CASTOR2: variants seen among roughly 807,000 people sequenced by gnomAD.
The protein encoded by CASTOR2 is cytosolic arginine sensor for mTORC1 subunit 2, also known as GATS protein like 2.
In CASTOR2, 8 loss-of-function variants were observed where a neutral mutation model predicts 31.2. The observed-to-expected ratio is 0.26, with a 90% CI of 0.15 to 0.46. The LOEUF is 0.46. CASTOR2 is among the 20% of genes least tolerant of loss of function. CASTOR2 has a pLI of 0.99. For missense variants in CASTOR2, 216 were observed against 382.1 expected (o/e 0.57, Z 3.62); for synonymous variants, 162 against 158.7 (o/e 1.02, Z -0.16).
rs1171008101 is a variant in CASTOR2, at chr7:75,025,398, C to A, written c.*699C>A. 1.3e-5 allele frequency among the ~76,000 whole-genome samples: 2 copies of A among 152,224 alleles called. No individual in the cohort carries two copies. Among genetic ancestry groups the A allele is most frequent in the African/African-American group, 4.8e-5 (2 of 41,472 alleles). ...GACCCTCCCCCACAAGCACTCAGTC[C>A]TTGGGGGAGGAGGGAGGGTCCCAGG... On this transcript the variant is annotated 3_prime_UTR_variant, in exon 9 of 9. Transcript: ENST00000616305.
chr7:75,008,560 A>G lies in CASTOR2; in HGVS notation c.184+496A>G, dbSNP rs1174116231. ...CGTTACTTTAAATTAACTGGACATG[A>G]TGGCATGTTCCTGTGGTCCCAGCTA... On this transcript the variant is annotated intron_variant, in intron 2 of 8. Transcript: ENST00000616305. Among the ~76,000 whole-genome samples the G allele has an allele frequency of 5.5e-3, 833 of 152,040 alleles. 11 individuals are homozygous for G. Among genetic ancestry groups the G allele is most frequent in the African/African-American group, 0.019 (797 of 41,480 alleles).
chr7:75,029,497 C>T lies in CASTOR2; in HGVS notation c.*4798C>T, dbSNP rs1411132110. On this transcript the variant is annotated 3_prime_UTR_variant, in exon 9 of 9. Transcript: ENST00000616305. ...TAGCTGGGATTACAGGCACCCACCA[C>T]CACGCTCGGCTAATTTTTGTATTTT... is the stretch of plus-strand genomic sequence containing the variant. Among the ~76,000 whole-genome samples, 1 of 151,990 alleles carries T rather than the reference C, an allele frequency of 6.6e-6. No individual in the cohort carries two copies. Among genetic ancestry groups the T allele is most frequent in the Non-Finnish European group, 1.5e-5 (1 of 68,018 alleles).
At chr7:75,007,435 A>G (rs1162753903) in intron 1 of CASTOR2, among the ~76,000 whole-genome samples, 1 of 152,180 alleles carries the variant, frequency 6.6e-6, no homozygotes, top group Non-Finnish European at 1.5e-5. Context: ...GCAGAGATCC[A>G]TGTCCCAAAA....
At chr7:75,014,273 G>A (rs1804815204) in intron 2 of CASTOR2, among the ~76,000 whole-genome samples, 1 of 151,722 alleles carries the variant, frequency 6.6e-6, no homozygotes, top group East Asian at 2.0e-4. Context: ...GGCAGTGACC[G>A]ATCAAAAGGT....
intron 2 of CASTOR2, among the ~76,000 whole-genome samples, chr7:75,012,154 A>G (rs1162653366): frequency 2.6e-5 from 4 of 152,188 alleles, no homozygotes; most frequent in South Asian, 2.1e-4. Flanking sequence ...AAGATGGTAT[A>G]CCACCATGTG....
rs1429721846 is a variant in CASTOR2 at position 75,027,614 on chromosome 7, C to T, written c.*2915C>T. 6.0e-5 allele frequency: 12 copies of T among 200,176 alleles called. No homozygotes were observed. Among genetic ancestry groups the T allele is most frequent in the East Asian group, 1.6e-4 (1 of 6,204 alleles). The allele number at this position is 200,176 out of a possible 1,614,324, so 12.4% of individuals were successfully genotyped here. ...GTGTCATGGAGAAAAGCATGTGTGT[C>T]GGGGCGCGCTGGGGCCAGGGTATGG... is the stretch of plus-strand genomic sequence containing the variant. On this transcript the variant is annotated 3_prime_UTR_variant, in exon 9 of 9. Coordinates refer to ENST00000616305, the MANE Select transcript of CASTOR2 (RefSeq NM_001145064.3).
chr7:74,996,434 G>A (rs1236073567), intron 1 of CASTOR2, among the ~76,000 whole-genome samples: 1 of 152,044 alleles, frequency 6.6e-6, no homozygotes, highest in Non-Finnish European at 1.5e-5. Context: ...AGAGAATGTT[G>A]CGTCCCAATT....
chr7:75,010,192 A>C (rs1243214739), intron 2 of CASTOR2, among the ~76,000 whole-genome samples: 8 of 152,118 alleles, frequency 5.3e-5, no homozygotes, highest in Admixed American at 3.9e-4. Context: ...TCATGTGGTC[A>C]TGGAGGACTT....
At position 75,022,270 on chromosome 7, in the gene CASTOR2, C is replaced by T. The variant is rs892772794; in HGVS notation, c.829+314C>T. ...TTGTAATCCCAGCACTTTGGGAGGC[C>T]GAGGTGGAAAGATCCATTGAGCCCA... is the stretch of plus-strand genomic sequence containing the variant. On this transcript the variant is annotated intron_variant, in intron 7 of 8. Transcript: ENST00000616305. Among the ~76,000 whole-genome samples the T allele has an allele frequency of 3.9e-5, 6 of 152,164 alleles. No homozygotes were observed. In the East Asian group the frequency reaches 5.8e-4, roughly 15 times the overall value.
At chr7:74,989,262 CCTT>C (rs1352054611) in intron 1 of CASTOR2, among the ~76,000 whole-genome samples, 3 of 74,852 alleles carry the variant, frequency 4.0e-5, no homozygotes, top group South Asian at 8.6e-4. Flanking sequence ...CCACGCCTGG[CCTT>C]TTTTTTTTTT....
chr7:74,992,944 T>TA (rs782279207), intron 1 of CASTOR2, among the ~76,000 whole-genome samples: 66 of 151,694 alleles, frequency 4.4e-4, no homozygotes, highest in Non-Finnish European at 8.5e-4. Flanking sequence ...CTCAGGCCTG[T>TA]AATCCCAGCA....
rs1805212822 is a variant in CASTOR2, at chr7:75,028,665, C to T, written c.*3966C>T. Reference sequence around the variant, plus strand: ...CGTGGGGCTCCCCTGGTTCCCAAGACACCCCTTCCTCCCTCAGCCCGTCGT... The same window carrying T: ...CGTGGGGCTCCCCTGGTTCCCAAGATACCCCTTCCTCCCTCAGCCCGTCGT... On this transcript the variant is annotated 3_prime_UTR_variant, in exon 9 of 9. Transcript: ENST00000616305. Among the ~76,000 whole-genome samples, 1 of 152,186 alleles carries T rather than the reference C, an allele frequency of 6.6e-6. No homozygotes were observed. The highest frequency in any genetic ancestry group is 6.5e-5 in the Admixed American group (1 of 15,280).
At chr7:75,008,601 C>T (rs1225599377) in intron 2 of CASTOR2, among the ~76,000 whole-genome samples, 5 of 151,980 alleles carry the variant, frequency 3.3e-5, no homozygotes. Flanking sequence ...GAGACCGAGG[C>T]AGGAGGATCG....
chr7:74,981,547 C>T (rs1490170012), intron 1 of CASTOR2, among the ~76,000 whole-genome samples: 3 of 145,388 alleles, frequency 2.1e-5, no homozygotes, highest in Non-Finnish European at 4.6e-5. Flanking sequence ...ACGAAGGTCT[C>T]ATCCCCTCCA....
At chr7:74,996,308 G>A (rs1319611262) in intron 1 of CASTOR2, among the ~76,000 whole-genome samples, 1 of 152,116 alleles carries the variant, frequency 6.6e-6, no homozygotes, top group Non-Finnish European at 1.5e-5. Flanking sequence ...GGTGGTGGCC[G>A]CAGGAGATGA....
chr7:75,008,505 G>A (rs1804654253), intron 2 of CASTOR2, among the ~76,000 whole-genome samples: 1 of 152,070 alleles, frequency 6.6e-6, no homozygotes, highest in African/African-American at 2.4e-5. Context: ...AGACCAGCCT[G>A]GGCATAGTGA....
chr7:75,013,159 A>G (rs1804792570), intron 2 of CASTOR2, among the ~76,000 whole-genome samples: 1 of 152,176 alleles, frequency 6.6e-6, no homozygotes, highest in Non-Finnish European at 1.5e-5. Context: ...CGCTGCAAAC[A>G]TTGCTTCCCA....
Position 75,021,895 on chromosome 7 carries a change from C to T in CASTOR2, c.768C>T (p.Phe256=). 1 of 1,551,856 alleles carries T rather than the reference C, an allele frequency of 6.4e-7. No homozygotes were observed. The highest frequency in any genetic ancestry group is 8.7e-7 in the Non-Finnish European group (1 of 1,146,906). Residue 256 remains phenylalanine, a synonymous_variant, in exon 7 of 9, where the codon TTC becomes TTT. Coordinates refer to ENST00000616305, the MANE Select transcript of CASTOR2 (RefSeq NM_001145064.3). ...GAAGGTTTCCTAGTAACTTGCTGTTCACAAGCGCATCCGGAGAGCTCTGGA... is the reference window on the plus strand; with the variant it reads ...GAAGGTTTCCTAGTAACTTGCTGTTTACAAGCGCATCCGGAGAGCTCTGGA... ...TQQRFPSNLL[F]TSASGELWKM... is the part of the protein sequence containing the mutation.
At chr7:75,005,322 A>G (rs1804583401) in intron 1 of CASTOR2, among the ~76,000 whole-genome samples, 2 of 152,182 alleles carry the variant, frequency 1.3e-5, no homozygotes, top group Admixed American at 1.3e-4. Context: ...CCAGAATGTC[A>G]TATGAATAGA....
Sources: allele counts gnomAD v4.1 joint callset (sites outside exome capture counted in the v4.1 genomes callset), GRCh38; gene constraint gnomAD v4.1.1; transcripts MANE v1.5; gene names NCBI Gene and HGNC (gene_info 2026-07-23, HGNC 2026-07-21).